PRKCH: variants seen among roughly 807,000 people sequenced by gnomAD.
PRKCH encodes the protein protein kinase C eta type.
A neutral mutation model predicts 82.5 loss-of-function variants in PRKCH; 28 were observed. That is an observed-to-expected ratio of 0.34 (90% CI 0.25 to 0.47). The LOEUF is 0.47. Ranked by LOEUF, PRKCH falls within the 20% of genes least tolerant of loss-of-function variation. The probability of loss-of-function intolerance (pLI) is 1.00; values close to 1 mark genes in which losing one functional copy is unlikely to be tolerated. For synonymous variants in PRKCH, 322 were observed against 327.4 expected, an observed-to-expected ratio of 0.98 and a Z score of 0.18; for missense variants, 705 against 881.8, an observed-to-expected ratio of 0.80 and a Z score of 2.54.
chr14:61,459,876 T>C (rs1398510268), intron 9 of PRKCH, among the ~76,000 whole-genome samples: 1 of 152,222 alleles, frequency 6.6e-6, no homozygotes, highest in Non-Finnish European at 1.5e-5. Flanking sequence ...AGACAGGGTC[T>C]CACTTTGTCA....
chr14:61,276,278 GCT>G (rs2045200926), intron 1 of PRKCH, among the ~76,000 whole-genome samples: 2 of 151,690 alleles, frequency 1.3e-5, no homozygotes, highest in Admixed American at 6.6e-5. Flanking sequence ...AAATCAGCCA[GCT>G]CTGTTTTAGG....
chr14:61,356,080 G>T (rs533642845), intron 1 of PRKCH, among the ~76,000 whole-genome samples: 1 of 152,192 alleles, frequency 6.6e-6, no homozygotes, highest in Admixed American at 6.5e-5. Flanking sequence ...CTGCCTGTCA[G>T]ACTGACTGAG....
At chr14:61,363,808 G>A (rs2046261616) in intron 1 of PRKCH, among the ~76,000 whole-genome samples, 1 of 150,616 alleles carries the variant, frequency 6.6e-6, no homozygotes, top group African/African-American at 2.5e-5. Flanking sequence ...GAGGGATGGA[G>A]GGAAGAGGAA....
intron 10 of PRKCH, among the ~76,000 whole-genome samples, chr14:61,506,616 A>G (rs558168985): frequency 6.6e-6 from 1 of 152,306 alleles, no homozygotes; most frequent in East Asian, 1.9e-4. Context: ...GCAGCCCTGA[A>G]CTAACTGCCC....
intron 1 of PRKCH, among the ~76,000 whole-genome samples, chr14:61,256,416 G>C (rs911448375): frequency 6.6e-6 from 1 of 152,148 alleles, no homozygotes; most frequent in Non-Finnish European, 1.5e-5. Flanking sequence ...GAAGCCCACC[G>C]CCTGTGGGGT....
chr14:61,369,166 C>T (rs2046334794), intron 1 of PRKCH, among the ~76,000 whole-genome samples: 1 of 152,066 alleles, frequency 6.6e-6, no homozygotes, highest in South Asian at 2.1e-4. Context: ...GTGTGAAGAC[C>T]CACTAAAGCA....
chr14:61,487,447 T>A (rs1886272791), intron 10 of PRKCH, among the ~76,000 whole-genome samples: 1 of 152,154 alleles, frequency 6.6e-6, no homozygotes, highest in Non-Finnish European at 1.5e-5. Context: ...CTTTCCAGTG[T>A]ATGCTTTGTG....
chr14:61,506,102 C>G (rs1249100393), intron 10 of PRKCH, among the ~76,000 whole-genome samples: 2 of 152,082 alleles, frequency 1.3e-5, no homozygotes, highest in African/African-American at 2.4e-5. Context: ...TTCAATAGGT[C>G]CCCTTGTGGG....
Position 61,381,061 on chromosome 14 carries a change from A to G in PRKCH, c.364-10164A>G, listed in dbSNP as rs950786749. 5.9e-5 allele frequency among the ~76,000 whole-genome samples: 9 copies of G among 152,186 alleles called. No homozygotes were observed. The East Asian group carries it at 1.2e-3, about 20-fold the overall frequency. ...TTTCTTTAGTAGTCTTCAGATGTCT[A>G]CTTGCCCTGTACAAAGTTCAGAAAC... On this transcript the variant is annotated intron_variant, in intron 1 of 13. Transcript: ENST00000332981.
At chr14:61,353,621 A>G (rs2046110178) in intron 1 of PRKCH, 2 of 152,298 alleles carry the variant, frequency 1.3e-5, no homozygotes, top group Non-Finnish European at 2.9e-5. Flanking sequence ...GTAGCACATT[A>G]TACTGACCTA....
chr14:61,311,752 G>A (rs1434220074), intron 1 of PRKCH, among the ~76,000 whole-genome samples: 1 of 152,226 alleles, frequency 6.6e-6, no homozygotes, highest in Non-Finnish European at 1.5e-5. Flanking sequence ...ACTTATTTCG[G>A]TTGGTGCAAA....
intron 10 of PRKCH, among the ~76,000 whole-genome samples, chr14:61,491,342 C>G (rs139277314): frequency 1.3e-5 from 2 of 152,332 alleles, no homozygotes; most frequent in East Asian, 3.9e-4. Context: ...ACTGCAGAGA[C>G]TACTACAAAT....
intron 3 of PRKCH, 47 bp from the exon 4 acceptor site, chr14:61,445,645 T>C: frequency 1.9e-6 from 3 of 1,540,754 alleles, no homozygotes; most frequent in South Asian, 2.2e-5. Context: ...TATAAGAGGG[T>C]TATTGCTGAA....
chr14:61,346,925 T>C (rs1423479932), intron 1 of PRKCH, among the ~76,000 whole-genome samples: 2 of 152,244 alleles, frequency 1.3e-5, no homozygotes, highest in Non-Finnish European at 2.9e-5. Context: ...CATCTTTTCA[T>C]TCCCTCATTA....
At chr14:61,389,535 A>C (rs191144114) in intron 1 of PRKCH, among the ~76,000 whole-genome samples, 2 of 151,474 alleles carry the variant, frequency 1.3e-5, no homozygotes, top group African/African-American at 2.4e-5. Context: ...ACATACATAC[A>C]TACCTAGATA....
chr14:61,459,595 C>T (rs557554098), intron 9 of PRKCH, among the ~76,000 whole-genome samples: 7 of 152,276 alleles, frequency 4.6e-5, no homozygotes, highest in African/African-American at 1.7e-4. Flanking sequence ...GAAGTGGAAG[C>T]AGAGGAATGA....
intron 1 of PRKCH, among the ~76,000 whole-genome samples, chr14:61,346,390 A>G (rs889670459): frequency 1.3e-5 from 2 of 152,238 alleles, no homozygotes; most frequent in Non-Finnish European, 2.9e-5. Flanking sequence ...CAGCACAAGC[A>G]TGCTGCATCA....
chr14:61,485,737 A>G (rs1404563421), intron 10 of PRKCH, 81 bp downstream of exon 10: 24 of 1,477,320 alleles, frequency 1.6e-5, no homozygotes, highest in East Asian at 2.4e-5. Context: ...ACTTCTCATG[A>G]TAATCAGTTG....
intron 2 of PRKCH, among the ~76,000 whole-genome samples, chr14:61,437,998 A>G (rs1203167600): frequency 6.6e-6 from 1 of 152,050 alleles, no homozygotes; most frequent in Non-Finnish European, 1.5e-5. Context: ...TCACAGTTAC[A>G]CTAGGTAAGT....
Sources: allele counts gnomAD v4.1 joint callset (sites outside exome capture counted in the v4.1 genomes callset), GRCh38; gene constraint gnomAD v4.1.1; transcripts MANE v1.5; gene names NCBI Gene and HGNC (gene_info 2026-07-23, HGNC 2026-07-21).